Variants in CAMTA2 observed in about 807,000 individuals in gnomAD.
CAMTA2 encodes the protein calmodulin binding transcription activator 2.
In CAMTA2, 56 loss-of-function variants were observed where a neutral mutation model predicts 135.7. The observed-to-expected ratio is 0.41, with a 90% CI of 0.33 to 0.52. CAMTA2 has a LOEUF of 0.52. CAMTA2 is among the 20% of genes least tolerant of loss of function. The probability of loss-of-function intolerance (pLI) is 0.16; values close to 1 mark genes in which losing one functional copy is unlikely to be tolerated. For synonymous variants in CAMTA2, 591 were observed against 604.6 expected, an observed-to-expected ratio of 0.98 and a Z score of 0.33; for missense variants, 1,358 against 1,553.4, an observed-to-expected ratio of 0.87 and a Z score of 2.11.
chr17:4,982,667 A>G (rs1323471491), intron 5 of CAMTA2, 90 bp downstream of exon 5: 1 of 1,428,062 alleles, frequency 7.0e-7, no homozygotes, highest in Non-Finnish European at 9.7e-7. Context: ...TGAGGTGGAC[A>G]ATGCCACCAA....
chr17:4,970,568 A>G (rs745939030), intron 16 of CAMTA2, 32 bp from the exon 17 acceptor site: 2 of 1,588,898 alleles, frequency 1.3e-6, no homozygotes, highest in East Asian at 2.2e-5. Flanking sequence ...GTGAGTCCTT[A>G]GGGGCCCCAG....
intron 2 of CAMTA2, 89 bp from the exon 3 acceptor site, chr17:4,986,072 G>T (rs984186871): frequency 8.7e-7 from 1 of 1,148,020 alleles, no homozygotes. Flanking sequence ...GCAATACAGA[G>T]CACTGGGGAA....
rs756394510 is a variant in CAMTA2, at chr17:4,970,542, A to C, written c.2809-6T>G. 1.0e-5 allele frequency: 16 copies of C among 1,606,068 alleles called. No homozygotes were observed. The highest frequency in any genetic ancestry group is 1.1e-5 in the Non-Finnish European group (13 of 1,179,122). ...GCTAGTGAGATCATGTCCACCTGGAAGAAGGGAGAAGCTGAGTGAGTCCTT... is the reference window on the plus strand; with the variant it reads ...GCTAGTGAGATCATGTCCACCTGGACGAAGGGAGAAGCTGAGTGAGTCCTT... On this transcript the variant is annotated splice_polypyrimidine_tract_variant and splice_region_variant and intron_variant, in intron 16 of 22. Coordinates refer to ENST00000348066, the MANE Select transcript of CAMTA2 (RefSeq NM_015099.4).
Position 4,973,650 on chromosome 17 carries a change from C to G in CAMTA2, c.2136G>C (p.Met712Ile). The change falls in exon 13 of 23, where the codon ATG becomes ATC. Residue 712 changes from methionine (M) to isoleucine (I), a missense_variant. Physicochemically the swap from Met to Ile is conservative, Grantham distance 10 (BLOSUM62 1). Transcript: ENST00000348066. ...GGGCAGCAGCCAGGTGCAGAAGGCTCATGCCCCGGAAGGGGCTTCCATGGG... is the reference window on the plus strand; with the variant it reads ...GGGCAGCAGCCAGGTGCAGAAGGCTGATGCCCCGGAAGGGGCTTCCATGGG... The part of the protein sequence containing the change: ...RLAHGSPFRG[M>I]SLLHLAAAQG... The G allele has an allele frequency of 6.2e-7, 1 of 1,614,196 alleles. No individual in the cohort carries two copies. Among genetic ancestry groups the G allele is most frequent in the Non-Finnish European group, 8.5e-7 (1 of 1,180,024 alleles).
chr17:4,976,170 T>C (rs1041768817), intron 11 of CAMTA2, among the ~76,000 whole-genome samples: 1 of 152,076 alleles, frequency 6.6e-6, no homozygotes, highest in African/African-American at 2.4e-5. Flanking sequence ...CACGCCTGGC[T>C]AATTTTTGTA....
Position 4,981,851 on chromosome 17 carries a change from C to A in CAMTA2, c.412-20G>T. On this transcript the variant is annotated intron_variant, in intron 6 of 22. Coordinates refer to ENST00000348066, the MANE Select transcript of CAMTA2 (RefSeq NM_015099.4). ...AGGGTTCTGAGAGTATAAGGGGACA[C>A]ACAGAGCCATGGGGTCCTGAGGTCC... 6.3e-7 allele frequency: 1 copy of A among 1,580,250 alleles called. No individual in the cohort carries two copies. Among genetic ancestry groups the A allele is most frequent in the South Asian group, 1.1e-5 (1 of 88,378 alleles).
At chr17:4,981,881 G>A in intron 6 of CAMTA2, 50 bp from the exon 7 acceptor site, 1 of 1,528,854 alleles carries the variant, frequency 6.5e-7, no homozygotes, top group South Asian at 1.2e-5. Flanking sequence ...AGGTCCAGGG[G>A]CTTGGCTTCC....
chr17:4,971,134 T>C (rs181568121), intron 16 of CAMTA2, among the ~76,000 whole-genome samples: 9 of 152,350 alleles, frequency 5.9e-5, no homozygotes, highest in African/African-American at 2.2e-4. Context: ...AGTACAAGGC[T>C]ATACTTGAAG....
At chr17:4,982,623 G>A in intron 5 of CAMTA2, 134 bp downstream of exon 5, 1 of 977,202 alleles carries the variant, frequency 1.0e-6, no homozygotes, top group Non-Finnish European at 1.5e-6. Flanking sequence ...CCGACCCAAA[G>A]TGAGTGAGAA....
chr17:4,986,340 G>A, intron 1 of CAMTA2, 54 bp from the exon 2 acceptor site: 1 of 719,552 alleles, frequency 1.4e-6, no homozygotes, highest in Non-Finnish European at 2.4e-6. Context: ...AATCCAGGAT[G>A]AGAAGTATGA....
At chr17:4,983,140 T>C in intron 3 of CAMTA2, 97 bp from the exon 4 acceptor site, 2 of 1,041,344 alleles carry the variant, frequency 1.9e-6, no homozygotes, top group Non-Finnish European at 3.0e-6. Context: ...TCTGCTGAGT[T>C]CTGGCAGCTA....
At position 4,973,729 on chromosome 17, in the gene CAMTA2, A is replaced by T. The variant is rs746583988; in HGVS notation, c.2057T>A (p.Val686Asp). 34 of 1,613,292 alleles carry T rather than the reference A, an allele frequency of 2.1e-5. No individual in the cohort carries two copies. In the Admixed American group the frequency reaches 2.7e-4, roughly 13 times the overall value. Residue 686 changes from valine (V) to aspartate (D), a missense_variant, in exon 13 of 23, where the codon GTC becomes GAC. Physicochemically the swap from Val to Asp is radical, Grantham distance 152 (BLOSUM62 -3). Around this residue, in one of 4 missense-constraint regions of CAMTA2, gnomAD observed 1,077 missense variants for 1,127.5 expected, o/e 0.96. Transcript: ENST00000348066. ...GCGTGGGATCATGCTTTCTACCAAG[A>T]CCACTACCCGTGCTTCGAACCCAGG... ...QGPGFEARVV[V>D]LVESMIPRST...
At chr17:4,981,155 A>G (rs749234295) in intron 8 of CAMTA2, 70 bp downstream of exon 8, 7 of 1,543,660 alleles carry the variant, frequency 4.5e-6, no homozygotes, top group Non-Finnish European at 4.4e-6. Context: ...CAAGATGGAT[A>G]TCCCCCTGGC....
intron 3 of CAMTA2, among the ~76,000 whole-genome samples, chr17:4,985,580 C>G (rs920178034): frequency 6.6e-6 from 1 of 151,998 alleles, no homozygotes; most frequent in African/African-American, 2.4e-5. Context: ...TACATCACCA[C>G]GCCTGGCTGC....
chr17:4,974,742 T>C (rs1972514700), intron 11 of CAMTA2: 1 of 446,470 alleles, frequency 2.2e-6, no homozygotes, highest in East Asian at 4.6e-5. Flanking sequence ...AACTGTTTCC[T>C]TCAAGGTACA....
At chr17:4,985,296 A>G (rs970294299) in intron 3 of CAMTA2, among the ~76,000 whole-genome samples, 1 of 152,288 alleles carries the variant, frequency 6.6e-6, no homozygotes, top group Non-Finnish European at 1.5e-5. Flanking sequence ...TTAGAGGATT[A>G]AATGAGACAA....
chr17:4,973,018 G>C, intron 14 of CAMTA2, 27 bp from the exon 15 acceptor site: 1 of 1,594,350 alleles, frequency 6.3e-7, no homozygotes, highest in Non-Finnish European at 8.6e-7. Context: ...GACAGGCGGA[G>C]ACGGAGGTGG....
intron 3 of CAMTA2, among the ~76,000 whole-genome samples, chr17:4,985,205 G>T (rs772631765): frequency 3.0e-4 from 45 of 152,168 alleles, no homozygotes; most frequent in Non-Finnish European, 6.0e-4. Flanking sequence ...AGGCCCTGGA[G>T]TAAGTTAGAT....
In CAMTA2 at chr17:4,980,241, C is replaced by A; in HGVS notation, c.1081G>T (p.Gly361Cys). ...GCTGGTGGGGCAGAAGGCTCAGTGC[C>A]TACAACCACTGCCAAACTCATGGAA... ...RPSMSLAVVVGTEPSAPPAPP... is the reference protein window; with the variant it reads ...RPSMSLAVVVCTEPSAPPAPP... The change falls in exon 9 of 23, where the codon GGC becomes TGC. Residue 361 changes from glycine (G) to cysteine (C), a missense_variant. Physicochemically the swap from Gly to Cys is radical, Grantham distance 159 (BLOSUM62 -3). Transcript: ENST00000348066. The surrounding 1 kb of genome is among the most constrained non-coding windows in gnomAD (Gnocchi z 5.3). 6.3e-7 allele frequency: 1 copy of A among 1,584,512 alleles called. No individual in the cohort carries two copies. The highest frequency in any genetic ancestry group is 1.2e-5 in the South Asian group (1 of 86,748).
Sources: gnomAD v4.1 joint callset for allele counts (sites outside exome capture counted in the v4.1 genomes callset) on GRCh38, gnomAD v4.1.1 for gene constraint, gnomAD v4.1.1 regional missense constraint, Gnocchi (gnomAD v3.1) non-coding constraint, MANE v1.5 for transcripts, NCBI Gene and HGNC (gene_info 2026-07-23, HGNC 2026-07-21) for gene names.